B4GALT5: variants seen among roughly 807,000 people sequenced by gnomAD.
B4GALT5 encodes the protein UDP-Gal:beta-GlcNAc beta-1,4-galactosyltransferase 5.
In B4GALT5, 11 loss-of-function variants were observed where a neutral mutation model predicts 45.0. The ratio of observed to expected loss-of-function variants is 0.24; its 90% CI spans 0.15 to 0.40. The LOEUF (loss-of-function observed/expected upper bound fraction) is 0.40, where lower values mean the gene tolerates loss of function less well. Ranked by LOEUF, B4GALT5 falls within the 10% of genes least tolerant of loss-of-function variation. B4GALT5 has a pLI of 1.00. For synonymous variants in B4GALT5, 185 were observed against 182.9 expected (o/e 1.01, Z -0.09); for missense variants, 337 against 500.2 (o/e 0.67, Z 3.11).
intron 1 of B4GALT5, chr20:49,684,507 G>A: frequency 2.0e-6 from 1 of 503,284 alleles, no homozygotes; most frequent in African/African-American, 1.9e-5. Flanking sequence ...AGCTTGCAGT[G>A]AGCCAAGGTT....
At chr20:49,659,815 CTTTTTTT>C (rs113286413) in intron 1 of B4GALT5, among the ~76,000 whole-genome samples, 1 of 145,126 alleles carries the variant, frequency 6.9e-6, no homozygotes, top group Non-Finnish European at 1.5e-5. Context: ...TTCTTTTTTT[CTTTTTTT>C]TTTTTGAGAC....
intron 1 of B4GALT5, among the ~76,000 whole-genome samples, chr20:49,687,075 T>C (rs549203718): frequency 1.3e-5 from 2 of 152,240 alleles, no homozygotes; most frequent in South Asian, 2.1e-4. Flanking sequence ...CAGGGGACAT[T>C]TGGCAGTATC....
At chr20:49,647,150 C>G in intron 2 of B4GALT5, 72 bp from the exon 3 acceptor site, 1 of 861,386 alleles carries the variant, frequency 1.2e-6, no homozygotes, top group Non-Finnish European at 1.9e-6. Flanking sequence ...AGATGCCTAC[C>G]AAGTAAGTCT....
chr20:49,658,061 C>A (rs2085650532), intron 1 of B4GALT5, among the ~76,000 whole-genome samples: 3 of 152,160 alleles, frequency 2.0e-5, no homozygotes, highest in Admixed American at 1.3e-4. Flanking sequence ...GTTCAGAATG[C>A]TTTCCGAAAT....
At chr20:49,668,077 C>T (rs540250015) in intron 1 of B4GALT5, among the ~76,000 whole-genome samples, 1 of 152,218 alleles carries the variant, frequency 6.6e-6, no homozygotes, top group South Asian at 2.1e-4. Context: ...CACATACACA[C>T]ATTAACAAAG....
rs138727530 is a variant in B4GALT5, at chr20:49,643,922, C to CTTTTTTTTTTTTTTTTTTTTTT, written c.365-294_365-273dup. Among the ~76,000 whole-genome samples the CTTTTTTTTTTTTTTTTTTTTTT allele has an allele frequency of 7.7e-5, 4 of 52,154 alleles. 1 individual carries two copies. The highest frequency in any genetic ancestry group is 3.4e-4 in the African/African-American group (4 of 11,752). The allele number at this position is 52,154 out of a possible 152,430, so 34.2% of individuals were successfully genotyped here. ...AACTTTAAGTAAAACAGTAGCTGAGCTTTTTTTTTTTTTTTTTTTTTTTTT... is the reference window on the plus strand; with the variant it reads ...AACTTTAAGTAAAACAGTAGCTGAGCTTTTTTTTTTTTTTTTTTTTTTTTTTTTTTTTTTTTTTTTTTTTTTT... On this transcript the variant is annotated intron_variant, in intron 3 of 8. Transcript: ENST00000371711.
intron 1 of B4GALT5, among the ~76,000 whole-genome samples, chr20:49,696,875 A>T (rs559225088): frequency 6.6e-6 from 1 of 152,368 alleles, no homozygotes; most frequent in East Asian, 1.9e-4. Context: ...TTACATAAAT[A>T]ATCTACTGGG....
At chr20:49,647,500 C>T (rs962424212) in intron 2 of B4GALT5, among the ~76,000 whole-genome samples, 1 of 152,156 alleles carries the variant, frequency 6.6e-6, no homozygotes, top group Non-Finnish European at 1.5e-5. Context: ...GTCTTACCTA[C>T]CGACCTCCCA....
intron 1 of B4GALT5, among the ~76,000 whole-genome samples, chr20:49,706,193 A>G (rs6019985): frequency 0.81 from 119,693 of 147,582 alleles, 48,673 homozygotes; most frequent in Middle Eastern, 0.89. Flanking sequence ...GCGAAACTCC[A>G]TCTCAAAAAA....
chr20:49,678,849 A>G (rs2085750789), intron 1 of B4GALT5, among the ~76,000 whole-genome samples: 1 of 152,232 alleles, frequency 6.6e-6, no homozygotes, highest in African/African-American at 2.4e-5. Flanking sequence ...CTTGGCTTCC[A>G]TATCCACTTC....
chr20:49,660,338 C>T (rs1282561121), intron 1 of B4GALT5, among the ~76,000 whole-genome samples: 1 of 152,216 alleles, frequency 6.6e-6, no homozygotes, highest in African/African-American at 2.4e-5. Context: ...TGCACAATAA[C>T]TCAAGGCCCA....
intron 1 of B4GALT5, among the ~76,000 whole-genome samples, chr20:49,711,238 G>GT (rs201346264): frequency 0.012 from 1,878 of 152,266 alleles, 15 homozygotes; most frequent in Non-Finnish European, 0.021. Flanking sequence ...TAATGAAAAT[G>GT]TAAGTGCTCT....
intron 2 of B4GALT5, among the ~76,000 whole-genome samples, chr20:49,653,055 C>T (rs947814597): frequency 1.3e-5 from 2 of 152,190 alleles, no homozygotes; most frequent in South Asian, 2.1e-4. Flanking sequence ...CAGTGAAATG[C>T]TATTTTCTTT....
intron 1 of B4GALT5, among the ~76,000 whole-genome samples, chr20:49,706,943 T>C (rs543678991): frequency 6.6e-6 from 1 of 152,308 alleles, no homozygotes; most frequent in East Asian, 1.9e-4. Context: ...TCTGCTGCTT[T>C]GGAATTTCTG....
chr20:49,642,563 G>C lies in B4GALT5; in HGVS notation c.511C>G (p.Arg171Gly). ...ACTGGGAGGTGCTCGTGGCGGTTCC[G>C]GAAGGGGATAAGGATCGCCACCTGG... Reference protein sequence around the residue: ...RWKVAILIPFRNRHEHLPVLF... With the variant: ...RWKVAILIPFGNRHEHLPVLF... The change falls in exon 5 of 9, where the codon CGG becomes GGG. Residue 171 changes from arginine (R) to glycine (G), a missense_variant. Physicochemically the swap from Arg to Gly is moderately radical, Grantham distance 125. Coordinates refer to ENST00000371711, the MANE Select transcript of B4GALT5 (RefSeq NM_004776.4). 6.2e-7 allele frequency: 1 copy of C among 1,613,966 alleles called. No homozygotes were observed. Among genetic ancestry groups the C allele is most frequent in the Non-Finnish European group, 8.5e-7 (1 of 1,179,894 alleles).
Position 49,656,954 on chromosome 20 carries a change from A to T in B4GALT5, c.116-252T>A, listed in dbSNP as rs114104099. Among the ~76,000 whole-genome samples the T allele has an allele frequency of 9.0e-3, 1,369 of 152,308 alleles. 16 individuals carry two copies. Among genetic ancestry groups the T allele is most frequent in the African/African-American group, 0.03 (1,241 of 41,564 alleles). On this transcript the variant is annotated intron_variant, in intron 1 of 8. Coordinates refer to ENST00000371711, the MANE Select transcript of B4GALT5 (RefSeq NM_004776.4). ...TAGAAAAAGCATCAACTTAAAAAAA[A>T]ATATATTCCATCTCTTCTCCAAATA...
chr20:49,694,658 AGGAAAGGGAAAGGGAAAGGGAAAG>A (rs141210680), intron 1 of B4GALT5, among the ~76,000 whole-genome samples: 10 of 143,036 alleles, frequency 7.0e-5, no homozygotes, highest in South Asian at 4.4e-4. Context: ...GAAAGGGAAA[AGGAAAGGGAAAGGGAAAGGGAAAG>A]GGAAAGGGAA....
Position 49,675,498 on chromosome 20 carries a change from C to T in B4GALT5, c.116-18796G>A, listed in dbSNP as rs539196378. 1.1e-4 allele frequency among the ~76,000 whole-genome samples: 17 copies of T among 152,290 alleles called. No homozygotes were observed. The South Asian group carries it at 2.1e-3, about 19-fold the overall frequency. ...AGAGGCCAATTAACATTTCCCACCA[C>T]GCCCAACAACAAGGCTCCTGGGGGT... is the stretch of plus-strand genomic sequence containing the variant. On this transcript the variant is annotated intron_variant, in intron 1 of 8. Coordinates refer to ENST00000371711, the MANE Select transcript of B4GALT5 (RefSeq NM_004776.4).
intron 1 of B4GALT5, among the ~76,000 whole-genome samples, chr20:49,701,505 C>T (rs1285855251): frequency 1.3e-5 from 2 of 152,136 alleles, no homozygotes; most frequent in Non-Finnish European, 1.5e-5. Flanking sequence ...GCACACATCA[C>T]GCCCCTCCTA....
Sources: gnomAD v4.1 joint callset for allele counts (sites outside exome capture counted in the v4.1 genomes callset) on GRCh38, gnomAD v4.1.1 for gene constraint, MANE v1.5 for transcripts, NCBI Gene and HGNC (gene_info 2026-07-23, HGNC 2026-07-21) for gene names.